The following DLAT variants were observed in gnomAD, a reference collection of about 807,000 sequenced individuals.
DLAT encodes the protein dihydrolipoamide S-acetyltransferase, also known as dihydrolipoyllysine-residue acetyltransferase component of pyruvate dehydrogenase complex, mitochondrial.
DLAT carries 43 observed loss-of-function variants against 68.0 expected under a neutral mutation model. The ratio of observed to expected loss-of-function variants is 0.63; its 90% CI spans 0.50 to 0.81. The LOEUF is 0.81. Ranked by LOEUF, DLAT falls within the 40% of genes least tolerant of loss-of-function variation. The pLI is 0.00. For synonymous variants in DLAT, 265 were observed against 288.6 expected, an observed-to-expected ratio of 0.92 and a Z score of 0.83; for missense variants, 745 against 815.4, an observed-to-expected ratio of 0.91 and a Z score of 1.05.
intron 4 of DLAT, chr11:112,029,956 G>GCTTC (rs1862306150): frequency 1.1e-6 from 1 of 941,930 alleles, no homozygotes; most frequent in Non-Finnish European, 1.7e-6. Flanking sequence ...AACATTACAT[G>GCTTC]CTTCCCATCC....
intron 11 of DLAT, among the ~76,000 whole-genome samples, chr11:112,052,084 T>C (rs750965523): frequency 1.2e-4 from 18 of 152,358 alleles, no homozygotes; most frequent in Non-Finnish European, 1.9e-4. Flanking sequence ...TTCTGACTCC[T>C]AAGCCTATTC....
chr11:112,061,710 C>G (rs1034324356), intron 13 of DLAT, among the ~76,000 whole-genome samples: 12 of 152,078 alleles, frequency 7.9e-5, no homozygotes, highest in Admixed American at 3.3e-4. Context: ...TCCCAAGTAG[C>G]TATAGCTGGG....
intron 5 of DLAT, among the ~76,000 whole-genome samples, chr11:112,034,924 C>T (rs1862618947): frequency 6.6e-6 from 1 of 151,992 alleles, no homozygotes; most frequent in Non-Finnish European, 1.5e-5. Context: ...CAGGCATGCA[C>T]CACCATGCCT....
intron 10 of DLAT, among the ~76,000 whole-genome samples, chr11:112,048,283 G>A (rs587749694): frequency 2.6e-5 from 4 of 152,110 alleles, no homozygotes; most frequent in Admixed American, 6.5e-5. Flanking sequence ...TGTTATTGGC[G>A]TGTAGGAATG....
chr11:112,037,003 C>T, intron 5 of DLAT: 1 of 431,418 alleles, frequency 2.3e-6, no homozygotes, highest in South Asian at 3.0e-5. Flanking sequence ...TTGGCATTTA[C>T]TTTGTACCAG....
intron 4 of DLAT, among the ~76,000 whole-genome samples, chr11:112,032,265 CAA>C (rs879992422): frequency 3.2e-5 from 4 of 126,066 alleles, no homozygotes; most frequent in South Asian, 2.5e-4. Context: ...GACTCCATCT[CAA>C]AAAAAAAAAA....
chr11:112,058,618 G>GC (rs1277373067), intron 11 of DLAT, among the ~76,000 whole-genome samples: 2 of 125,496 alleles, frequency 1.6e-5, no homozygotes, highest in African/African-American at 3.2e-5. Flanking sequence ...GTGGGGGAAG[G>GC]GGGGGGTGGG....
chr11:112,056,325 A>T (rs1199503382), intron 11 of DLAT, among the ~76,000 whole-genome samples: 1 of 152,206 alleles, frequency 6.6e-6, no homozygotes, highest in Non-Finnish European at 1.5e-5. Context: ...AAGATCACTC[A>T]TGCTCATTTA....
At chr11:112,034,907 G>A (rs1862616531) in intron 5 of DLAT, among the ~76,000 whole-genome samples, 1 of 151,882 alleles carries the variant, frequency 6.6e-6, no homozygotes, top group South Asian at 2.1e-4. Context: ...CCGAGTAGCT[G>A]GGACTACAGG....
At position 112,051,677 on chromosome 11, in the gene DLAT, GTTCTGGGAT is replaced by G. The variant is rs1863642802; in HGVS notation, c.1514+332_1514+340del. On this transcript the variant is annotated intron_variant, in intron 11 of 13. Transcript: ENST00000280346. This position sits in a 1 kb window ranked among gnomAD's most constrained non-coding sequence, Gnocchi z 4.3. ...AATTCTACAGCCTCGGCCTCCCAAA[GTTCTGGGAT>G]TTCAGGTGTGAGCCACAGTGTCCAG... Among the ~76,000 whole-genome samples, 1 of 152,042 alleles carries G rather than the reference GTTCTGGGAT, an allele frequency of 6.6e-6. No homozygotes were observed. The highest frequency in any genetic ancestry group is 2.4e-5 in the African/African-American group (1 of 41,374).
In DLAT at chr11:112,051,209, AC is replaced by A. The variant is rs782104514; in HGVS notation, c.1399-24del. On this transcript the variant is annotated intron_variant, in intron 10 of 13. Coordinates refer to ENST00000280346, the MANE Select transcript of DLAT (RefSeq NM_001931.5). The surrounding 1 kb of genome is among the most constrained non-coding windows in gnomAD (Gnocchi z 4.3). ...TAAAATTAAAATTAAAAAAGAAGAA[AC>A]TACAGTTCTTCTTGTCTTTCCAGAT... The A allele has an allele frequency of 1.4e-6, 2 of 1,430,082 alleles. No homozygotes were observed. The highest frequency in any genetic ancestry group is 2.8e-5 in the African/African-American group (2 of 70,710). The allele number at this position is 1,430,082 out of a possible 1,614,324, so 88.6% of individuals were successfully genotyped here. A position where few individuals can be genotyped will look rare whatever the true frequency, so the allele number is the denominator to read the frequency against.
chr11:112,056,281 A>T (rs1555182592), intron 11 of DLAT, among the ~76,000 whole-genome samples: 1 of 152,154 alleles, frequency 6.6e-6, no homozygotes, highest in African/African-American at 2.4e-5. Context: ...AGTCTTTACC[A>T]CAATCTAATT....
rs10891314 is a variant in DLAT, at chr11:112,045,923, G to T, written c.1351G>T (p.Asp451Tyr). The change falls in exon 10 of 14, where the codon GAT becomes TAT. Residue 451 changes from aspartate (D) to tyrosine (Y), a missense_variant. Asp to Tyr is a radical substitution (Grantham distance 160). Transcript: ENST00000280346. ...CATACCTCATTATTACCTTTCTATC[G>T]ATGTAAATATGGGAGAAGTTTTGTT... Reference protein sequence around the residue: ...QTIPHYYLSIDVNMGEVLLVR... With the variant: ...QTIPHYYLSIYVNMGEVLLVR... The T allele has an allele frequency of 2.5e-6, 4 of 1,610,770 alleles. No homozygotes were observed. Among genetic ancestry groups the T allele is most frequent in the African/African-American group, 1.3e-5 (1 of 74,816 alleles).
intron 11 of DLAT, among the ~76,000 whole-genome samples, chr11:112,059,103 C>T (rs1864347026): frequency 6.6e-6 from 1 of 151,684 alleles, no homozygotes; most frequent in Admixed American, 6.6e-5. Flanking sequence ...TCTGAGGTAC[C>T]ACCACCCATG....
chr11:112,027,751 C>T (rs1363819009), intron 2 of DLAT, among the ~76,000 whole-genome samples: 228 of 135,782 alleles, frequency 1.7e-3, no homozygotes, highest in Middle Eastern at 3.6e-3. Flanking sequence ...AATACGAAAA[C>T]CAGTCAGGCG....
intron 13 of DLAT, 121 bp downstream of exon 13, chr11:112,061,295 C>G: frequency 1.0e-6 from 1 of 992,670 alleles, no homozygotes; most frequent in Non-Finnish European, 1.6e-6. Flanking sequence ...CCACAATGCT[C>G]AAGTCCCTGA....
chr11:112,055,158 C>T (rs1293693948), intron 11 of DLAT, among the ~76,000 whole-genome samples: 5 of 151,234 alleles, frequency 3.3e-5, no homozygotes, highest in Admixed American at 3.3e-4. Context: ...ACTACTGACT[C>T]GTGGAGAGTT....
At position 112,051,416 on chromosome 11, in the gene DLAT, A is replaced by T. The variant is rs1356918776; in HGVS notation, c.1514+67A>T. On this transcript the variant is annotated intron_variant, in intron 11 of 13. Coordinates refer to ENST00000280346, the MANE Select transcript of DLAT (RefSeq NM_001931.5). The surrounding 1 kb of genome is among the most constrained non-coding windows in gnomAD (Gnocchi z 4.3). Reference sequence around the variant, plus strand: ...CTTGTATTATTTAATGTGTGAGTGGAGTTGAGGGGATAAGGAGAAATGGAA... The same window carrying T: ...CTTGTATTATTTAATGTGTGAGTGGTGTTGAGGGGATAAGGAGAAATGGAA... 5 of 1,148,548 alleles carry T rather than the reference A, an allele frequency of 4.4e-6. No individual in the cohort carries two copies. Among genetic ancestry groups the T allele is most frequent in the Non-Finnish European group, 6.5e-6 (5 of 763,996 alleles). The allele number at this position is 1,148,548 out of a possible 1,614,324, so 71.1% of individuals were successfully genotyped here. A position where few individuals can be genotyped will look rare whatever the true frequency, so the allele number is the denominator to read the frequency against.
intron 11 of DLAT, among the ~76,000 whole-genome samples, chr11:112,052,046 A>G (rs2137826380): frequency 6.6e-6 from 1 of 152,322 alleles, no homozygotes; most frequent in Non-Finnish European, 1.5e-5. Context: ...TTAATAAATT[A>G]GTGTTAGGAC....
Sources: gnomAD v4.1 joint callset for allele counts (sites outside exome capture counted in the v4.1 genomes callset) on GRCh38, gnomAD v4.1.1 for gene constraint, Gnocchi (gnomAD v3.1) non-coding constraint, MANE v1.5 for transcripts, NCBI Gene and HGNC (gene_info 2026-07-23, HGNC 2026-07-21) for gene names.